Variants in AK6 observed in about 807,000 individuals in gnomAD.
AK6 encodes adenylate kinase isoenzyme 6.
AK6 carries 24 observed loss-of-function variants against 23.7 expected under a neutral mutation model. The observed-to-expected ratio is 1.01, with a 90% CI of 0.73 to 1.43. The LOEUF (loss-of-function observed/expected upper bound fraction) is 1.43, where lower values mean the gene tolerates loss of function less well. AK6 is among the 40% of genes most tolerant of loss of function. The pLI is 0.00. For missense variants in AK6, 191 were observed against 199.1 expected, an observed-to-expected ratio of 0.96 and a Z score of 0.24; for synonymous variants, 73 against 69.8, an observed-to-expected ratio of 1.05 and a Z score of -0.23.
chr5:69,366,407 G>GT (rs1238596275), intron 2 of AK6, 96 bp downstream of exon 2: 3 of 936,962 alleles, frequency 3.2e-6, no homozygotes, highest in Non-Finnish European at 5.0e-6. Context: ...GGCAATCTCT[G>GT]TTTTTTGTAC....
At chr5:69,358,562 T>C (rs1038731707) in intron 2 of AK6, among the ~76,000 whole-genome samples, 1 of 134,714 alleles carries the variant, frequency 7.4e-6, no homozygotes, top group African/African-American at 2.8e-5. Flanking sequence ...CTTGAACCAA[T>C]ATATGCTGTC....
At chr5:69,360,944 G>T (rs1217764491) in intron 2 of AK6, among the ~76,000 whole-genome samples, 2 of 152,186 alleles carry the variant, frequency 1.3e-5, no homozygotes, top group Admixed American at 6.5e-5. Context: ...TACTGGAAAT[G>T]GATCCAATGT....
chr5:69,355,933 C>T lies in AK6; in HGVS notation c.142G>A (p.Asp48Asn). ...AREEQLYDGYDEEYDCPILDE... is the reference protein window; with the variant it reads ...AREEQLYDGYNEEYDCPILDE... ...AAAATGGGACAGTCATACTCTTCATCATAGCCATCATACAATTGCTCTAAA... is the reference window on the plus strand; with the variant it reads ...AAAATGGGACAGTCATACTCTTCATTATAGCCATCATACAATTGCTCTAAA... Residue 48 changes from aspartate to asparagine, a missense_variant, in exon 3 of 5, where the codon GAT becomes AAT. Asp to Asn is a conservative substitution (Grantham distance 23). Transcript: ENST00000380822. The T allele has an allele frequency of 6.2e-7, 1 of 1,607,634 alleles. No individual in the cohort carries two copies. The highest frequency in any genetic ancestry group is 1.1e-5 in the South Asian group (1 of 89,138).
intron 1 of AK6, among the ~76,000 whole-genome samples, chr5:69,367,675 G>C (rs1762516096): frequency 6.6e-6 from 1 of 151,942 alleles, no homozygotes; most frequent in Non-Finnish European, 1.5e-5. Flanking sequence ...ATCTCAGCCT[G>C]TCCGGTAGCT....
intron 2 of AK6, among the ~76,000 whole-genome samples, chr5:69,359,271 T>C (rs190865476): frequency 1.0e-3 from 158 of 151,024 alleles, no homozygotes; most frequent in African/African-American, 3.7e-3. Flanking sequence ...TGAGACAGAG[T>C]TTCACTCTCG....
At chr5:69,353,879 C>T (rs1762015092) in intron 4 of AK6, among the ~76,000 whole-genome samples, 1 of 152,158 alleles carries the variant, frequency 6.6e-6, no homozygotes, top group Non-Finnish European at 1.5e-5. Context: ...AAGCATTCCT[C>T]CCACCTCAGC....
rs1171959737 is a variant in AK6 at position 69,351,227 on chromosome 5, C to T, written c.*834G>A. On this transcript the variant is annotated 3_prime_UTR_variant, in exon 5 of 5. Coordinates refer to ENST00000380822, the MANE Select transcript of AK6 (RefSeq NM_016283.5). ...TTTATTTTTAGAGTCTAAGGTCTCA[C>T]TATGTTGCCCAGGCTGGTCTTGAAC... 2 of 151,754 alleles carry T rather than the reference C, an allele frequency of 1.3e-5. No homozygotes were observed. The highest frequency in any genetic ancestry group is 1.9e-4 in the East Asian group (1 of 5,198). 9.4% of individuals were successfully genotyped at this position (151,754 alleles called of 1,614,324 possible). A position where few individuals can be genotyped will look rare whatever the true frequency, so the allele number is the denominator to read the frequency against.
intron 2 of AK6, chr5:69,365,859 T>C: frequency 1.3e-6 from 1 of 799,458 alleles, no homozygotes; most frequent in Non-Finnish European, 1.8e-6. Flanking sequence ...TGTTAAACTG[T>C]AAAAAAATTT....
chr5:69,369,808 C>G, upstream of AK6: 1 of 1,188,788 alleles, frequency 8.4e-7, no homozygotes, highest in Non-Finnish European at 1.2e-6. Flanking sequence ...TGGAAGGTCC[C>G]CGGGAGGCCG....
chr5:69,366,567 T>C lies in AK6; in HGVS notation c.57A>G (p.Leu19=), dbSNP rs370169491. Residue 19 remains leucine (L), a synonymous_variant, in exon 2 of 5, where the codon CTA becomes CTG. Transcript: ENST00000380822. ...CTGATTTTGACGCAAGTTCTTTGCC[T>C]AGTGTGGTTTTTCCAACCCCTGGTG... ...TGTPGVGKTT[L]GKELASKSGL... 5.6e-6 allele frequency: 9 copies of C among 1,613,950 alleles called. No individual in the cohort carries two copies. In the African/African-American group the frequency reaches 1.1e-4, roughly 19 times the overall value.
intron 2 of AK6, among the ~76,000 whole-genome samples, chr5:69,366,151 A>G (rs1051825697): frequency 6.6e-6 from 1 of 152,204 alleles, no homozygotes; most frequent in Non-Finnish European, 1.5e-5. Context: ...AGTGAGACCA[A>G]TATACTCACT....
chr5:69,359,963 G>C (rs978924241), intron 2 of AK6, among the ~76,000 whole-genome samples: 2 of 152,208 alleles, frequency 1.3e-5, no homozygotes, highest in Non-Finnish European at 2.9e-5. Context: ...GAGTTGTAAG[G>C]AAGATAAGGA....
At chr5:69,354,964 T>C (rs1438063040) in intron 4 of AK6, among the ~76,000 whole-genome samples, 3 of 152,116 alleles carry the variant, frequency 2.0e-5, no homozygotes, top group South Asian at 2.1e-4. Flanking sequence ...TAGCTGGGAC[T>C]GTACAGGTGC....
intron 4 of AK6, among the ~76,000 whole-genome samples, chr5:69,353,551 C>T (rs559371488): frequency 6.6e-6 from 1 of 152,080 alleles, no homozygotes. Context: ...CCACCTTGGC[C>T]TCCCAAAGTG....
chr5:69,364,043 G>GCACA (rs1399079421), intron 2 of AK6, among the ~76,000 whole-genome samples: 2 of 152,024 alleles, frequency 1.3e-5, no homozygotes, highest in African/African-American at 4.8e-5. Flanking sequence ...AGCTGAGATT[G>GCACA]TGCCACTGCA....
chr5:69,367,834 C>T (rs1379626761), intron 1 of AK6: 1 of 152,192 alleles, frequency 6.6e-6, no homozygotes, highest in Admixed American at 6.5e-5. Context: ...GCATGAGCCA[C>T]CCACCTGGCC....
intron 2 of AK6, among the ~76,000 whole-genome samples, chr5:69,366,171 T>C (rs1315836856): frequency 6.6e-6 from 1 of 152,240 alleles, no homozygotes; most frequent in Non-Finnish European, 1.5e-5. Context: ...TGTGCTCATA[T>C]ATATGTTTAG....
upstream of AK6, chr5:69,369,636 C>G (rs1348708903): frequency 6.4e-7 from 1 of 1,564,684 alleles, no homozygotes; most frequent in East Asian, 2.4e-5. Flanking sequence ...CCCGGCGGCC[C>G]AGCCGCGGCC....
At chr5:69,369,214 C>A in intron 1 of AK6, 1 of 477,522 alleles carries the variant, frequency 2.1e-6, no homozygotes, top group Non-Finnish European at 3.6e-6. Context: ...CTGGATCTGC[C>A]GACCTCTCTC....
Sources: gnomAD v4.1 joint callset for allele counts (sites outside exome capture counted in the v4.1 genomes callset) on GRCh38, gnomAD v4.1.1 for gene constraint, MANE v1.5 for transcripts, NCBI Gene and HGNC (gene_info 2026-07-23, HGNC 2026-07-21) for gene names.